Variants in NSUN4 observed in about 807,000 individuals in gnomAD.
NSUN4 encodes 5-cytosine rRNA methyltransferase NSUN4.
A neutral mutation model predicts 43.8 loss-of-function variants in NSUN4; 31 were observed. The ratio of observed to expected loss-of-function variants is 0.71; its 90% CI spans 0.53 to 0.96. The LOEUF is 0.96. NSUN4 is among the 40% of genes least tolerant of loss of function. The pLI, the probability that NSUN4 is intolerant of heterozygous loss-of-function variation, is 0.00. For synonymous variants in NSUN4, 167 were observed against 184.1 expected, an observed-to-expected ratio of 0.91 and a Z score of 0.75; for missense variants, 439 against 475.6, an observed-to-expected ratio of 0.92 and a Z score of 0.72.
chr1:46,360,252 ATATATATAT>A, intron 4 of NSUN4, among the ~76,000 whole-genome samples: 1 of 28,338 alleles, frequency 3.5e-5, no homozygotes, highest in East Asian at 1.4e-3. Flanking sequence ...AAAAAAAAAT[ATATATATAT>A]ATATATATAT....
At chr1:46,380,033 C>T in the NSUN4 span, among the ~76,000 whole-genome samples, 1 of 152,166 alleles carries the variant, frequency 6.6e-6, no homozygotes, top group Non-Finnish European at 1.5e-5. Flanking sequence ...GCATCCTCCC[C>T]TTTAGTAGGC....
chr1:46,358,975 C>T (rs528388050), intron 4 of NSUN4, among the ~76,000 whole-genome samples: 2 of 151,982 alleles, frequency 1.3e-5, no homozygotes, highest in South Asian at 2.1e-4. Context: ...AAATTGGGGC[C>T]GGCCAGGCAT....
chr1:46,346,772 A>G (rs17357676), intron 2 of NSUN4, 149 bp from the exon 3 acceptor site: 148,178 of 627,922 alleles, frequency 0.24, 19,970 homozygotes, highest in Non-Finnish European at 0.29. Context: ...GTATAGATGA[A>G]TGAATAAGTG....
the NSUN4 span, among the ~76,000 whole-genome samples, chr1:46,380,230 T>A: frequency 1.3e-5 from 2 of 152,120 alleles, no homozygotes; most frequent in African/African-American, 4.8e-5. Flanking sequence ...GTCTTCCCAC[T>A]CAACAGCTGA....
chr1:46,341,867 C>T (rs187252886), intron 1 of NSUN4: 189 of 1,232,948 alleles, frequency 1.5e-4, no homozygotes, highest in Admixed American at 1.5e-3. Flanking sequence ...GTCTTCAAGG[C>T]ACGTACTGTG....
At chr1:46,370,942 A>G in the NSUN4 span, 7 of 152,520 alleles carry the variant, frequency 4.6e-5, no homozygotes, top group African/African-American at 1.7e-4. Flanking sequence ...GGATCCCAAA[A>G]TGCTTTATAA....
chr1:46,349,580 C>T (rs974049858), intron 3 of NSUN4, among the ~76,000 whole-genome samples: 22 of 152,198 alleles, frequency 1.4e-4, no homozygotes, highest in African/African-American at 4.6e-4. Flanking sequence ...CTTCTCTTGC[C>T]GTGTGCCCAA....
At chr1:46,373,239 C>T in the NSUN4 span, among the ~76,000 whole-genome samples, 1 of 152,236 alleles carries the variant, frequency 6.6e-6, no homozygotes, top group African/African-American at 2.4e-5. Flanking sequence ...CATGTCAATA[C>T]AGACCATGCT....
At chr1:46,360,253 T>A (rs34626739) in intron 4 of NSUN4, among the ~76,000 whole-genome samples, 5,377 of 21,646 alleles carry the variant, frequency 0.25, 484 homozygotes, top group African/African-American at 0.28. Flanking sequence ...AAAAAAAATA[T>A]ATATATATAT....
chr1:46,341,980 C>T (rs1557735516), intron 1 of NSUN4: 1 of 1,230,688 alleles, frequency 8.1e-7, no homozygotes, highest in Non-Finnish European at 1.0e-6. Flanking sequence ...GGAACGAGCC[C>T]AGTGACCTCC....
Position 46,345,134 on chromosome 1 carries a change from C to T in NSUN4, c.427C>T (p.Pro143Ser), listed in dbSNP as rs1262811390. 6.2e-6 allele frequency: 10 copies of T among 1,602,980 alleles called. No individual in the cohort carries two copies. The highest frequency in any genetic ancestry group is 8.5e-6 in the Non-Finnish European group (10 of 1,174,676). ...TFDRGDISRFPPARPGSLGVM... is the reference protein window; with the variant it reads ...TFDRGDISRFSPARPGSLGVM... ...TGACAGAGGGGATATCAGTCGCTTC[C>T]CTCCTGCCAGGTAGGATCTGGAGCC... is the stretch of plus-strand genomic sequence containing the variant. The change falls in exon 2 of 6, where the codon CCT (proline) becomes TCT (serine). Residue 143 changes from proline (P) to serine (S), a missense_variant. Transcript: ENST00000474844.
At chr1:46,369,395 G>A (rs1192736948), downstream of NSUN4, among the ~76,000 whole-genome samples, 4 of 152,160 alleles carry the variant, frequency 2.6e-5, no homozygotes, top group African/African-American at 9.7e-5. Flanking sequence ...CGCTAGAGTG[G>A]TGAACAGAGC....
Position 46,346,869 on chromosome 1 carries a change from A to G in NSUN4, c.438-52A>G, listed in dbSNP as rs1435486008. ...CATAGACTTGGTGGCCTAGACTCCCAGTGGGTGTCCTGACCTGGAATTTAA... is the reference window on the plus strand; with the variant it reads ...CATAGACTTGGTGGCCTAGACTCCCGGTGGGTGTCCTGACCTGGAATTTAA... On this transcript the variant is annotated intron_variant, in intron 2 of 5. Transcript: ENST00000474844. 5.2e-6 allele frequency: 8 copies of G among 1,530,118 alleles called. No individual in the cohort carries two copies. The African/African-American group carries it at 1.1e-4, about 21-fold the overall frequency. The allele number at this position is 1,530,118 out of a possible 1,614,324, so 94.8% of individuals were successfully genotyped here. A position where few individuals can be genotyped will look rare whatever the true frequency, so the allele number is the denominator to read the frequency against.
chr1:46,355,507 G>A (rs529509992), intron 4 of NSUN4, among the ~76,000 whole-genome samples: 2 of 152,264 alleles, frequency 1.3e-5, no homozygotes, highest in South Asian at 2.1e-4. Flanking sequence ...TGCCTATCCC[G>A]TAGGTGAAAA....
the NSUN4 span, among the ~76,000 whole-genome samples, chr1:46,375,383 C>A: frequency 6.7e-6 from 1 of 148,796 alleles, no homozygotes; most frequent in African/African-American, 2.5e-5. Context: ...TGCAATGAAC[C>A]AAGATCACGC....
chr1:46,358,468 C>T (rs1160133323), intron 4 of NSUN4, among the ~76,000 whole-genome samples: 2 of 138,176 alleles, frequency 1.4e-5, no homozygotes, highest in African/African-American at 5.5e-5. Flanking sequence ...GTGGTACGAT[C>T]TCGGCTCACT....
intron 1 of NSUN4, 27 bp from the exon 2 acceptor site, chr1:46,344,774 C>T (rs1662358338): frequency 6.3e-7 from 1 of 1,592,478 alleles, no homozygotes; most frequent in East Asian, 2.2e-5. Flanking sequence ...ACTGGGAAAA[C>T]CAATAAGCCT....
Position 46,362,660 on chromosome 1 carries a change from A to T in NSUN4, c.*814A>T, listed in dbSNP as rs182879669. ...TTGTGGGAGATTACTGGGCTTCCTC[A>T]TCCTTTAGAATGGTAACTCTCCTTT... On this transcript the variant is annotated 3_prime_UTR_variant, in exon 6 of 6. Transcript: ENST00000474844. 2 of 152,318 alleles carry T rather than the reference A, an allele frequency of 1.3e-5. No individual in the cohort carries two copies. Among genetic ancestry groups the T allele is most frequent in the Non-Finnish European group, 2.9e-5 (2 of 68,040 alleles). The allele number at this position is 152,318 out of a possible 1,614,324, so 9.4% of individuals were successfully genotyped here.
At chr1:46,348,053 T>C (rs1248491822) in intron 3 of NSUN4, among the ~76,000 whole-genome samples, 8 of 152,078 alleles carry the variant, frequency 5.3e-5, no homozygotes, top group Non-Finnish European at 5.9e-5. Context: ...AATTTGTTTT[T>C]GTACTTTTAG....
Sources: gnomAD v4.1 joint callset for allele counts (sites outside exome capture counted in the v4.1 genomes callset) on GRCh38, gnomAD v4.1.1 for gene constraint, MANE v1.5 for transcripts, NCBI Gene and HGNC (gene_info 2026-07-23, HGNC 2026-07-21) for gene names.